VRK2: variants seen among roughly 807,000 people sequenced by gnomAD.
VRK2 encodes serine/threonine-protein kinase VRK2.
Under a neutral mutation model 57.6 loss-of-function variants are expected in VRK2, and 60 were observed. That is an observed-to-expected ratio of 1.04 (90% CI 0.85 to 1.29). The LOEUF (loss-of-function observed/expected upper bound fraction) is 1.29, where lower values mean the gene tolerates loss of function less well. Ranked by LOEUF, VRK2 falls within the 50% of genes most tolerant of loss-of-function variation. VRK2 has a pLI of 0.00. For synonymous variants in VRK2, 231 were observed against 199.2 expected (o/e 1.16, Z -1.35); for missense variants, 705 against 588.1 (o/e 1.20, Z -2.06).
At chr2:57,964,145 C>T (rs958305725) in intron 1 of VRK2, among the ~76,000 whole-genome samples, 1 of 152,106 alleles carries the variant, frequency 6.6e-6, no homozygotes, top group Non-Finnish European at 1.5e-5. Context: ...TTTTGACTCC[C>T]CCAAAACTTA....
chr2:58,117,511 G>T lies in VRK2; in HGVS notation c.544-5590G>T, dbSNP rs374794488. ...AAAAGGAAGATTAGAAAGACTCAGC[G>T]ACGCTTGGGGTTGGGACTGAGGGGA... On this transcript the variant is annotated intron_variant, in intron 7 of 12. Transcript: ENST00000340157. 4.7e-4 allele frequency among the ~76,000 whole-genome samples: 71 copies of T among 151,656 alleles called. No individual in the cohort carries two copies. The South Asian group carries it at 9.2e-3, about 20-fold the overall frequency.
chr2:58,125,317 T>A (rs1404180292), intron 8 of VRK2, among the ~76,000 whole-genome samples: 3 of 152,164 alleles, frequency 2.0e-5, no homozygotes, highest in African/African-American at 4.8e-5. Context: ...ATTAATTTCA[T>A]TGTTTAGGGT....
intron 2 of VRK2, among the ~76,000 whole-genome samples, chr2:58,069,781 A>G (rs541825940): frequency 6.6e-6 from 1 of 152,228 alleles, no homozygotes; most frequent in South Asian, 2.1e-4. Context: ...CCGACTTAGG[A>G]TATTCATTTC....
At chr2:57,912,625 T>C (rs528025283) in intron 1 of VRK2, among the ~76,000 whole-genome samples, 3 of 152,230 alleles carry the variant, frequency 2.0e-5, no homozygotes, top group Admixed American at 2.0e-4. Context: ...AAGAGTTTCT[T>C]ATGGTTTAGT....
At chr2:58,078,160 T>G (rs1375566823) in intron 2 of VRK2, among the ~76,000 whole-genome samples, 1 of 152,136 alleles carries the variant, frequency 6.6e-6, no homozygotes, top group African/African-American at 2.4e-5. Flanking sequence ...TTTTCCTCTT[T>G]TCCCAGCACC....
chr2:57,978,068 T>C (rs1397959516), intron 1 of VRK2, among the ~76,000 whole-genome samples: 1 of 151,356 alleles, frequency 6.6e-6, no homozygotes, highest in Non-Finnish European at 1.5e-5. Context: ...AAATAAAGAC[T>C]ATTTGATCAT....
chr2:57,978,512 A>G (rs902550545), intron 1 of VRK2, among the ~76,000 whole-genome samples: 1 of 151,070 alleles, frequency 6.6e-6, no homozygotes, highest in African/African-American at 2.5e-5. Context: ...AGGCAAGCAG[A>G]ACAATCTTTA....
chr2:58,109,786 C>A (rs1426408631), intron 7 of VRK2, among the ~76,000 whole-genome samples: 1 of 152,158 alleles, frequency 6.6e-6, no homozygotes, highest in Non-Finnish European at 1.5e-5. Context: ...CAAACCATTT[C>A]AGGTTCTACA....
intron 8 of VRK2, among the ~76,000 whole-genome samples, chr2:58,129,736 T>C (rs1347786930): frequency 6.6e-6 from 1 of 152,170 alleles, no homozygotes; most frequent in Middle Eastern, 3.2e-3. Flanking sequence ...TTCAAACTTT[T>C]CAATTTGCTT....
intron 1 of VRK2, among the ~76,000 whole-genome samples, chr2:57,918,911 A>G (rs1670243279): frequency 1.3e-5 from 2 of 152,152 alleles, no homozygotes; most frequent in African/African-American, 4.8e-5. Flanking sequence ...TATGTATCTG[A>G]AGATTTTTAA....
chr2:58,150,562 G>A (rs200435361), intron 12 of VRK2, among the ~76,000 whole-genome samples: 3 of 95,584 alleles, frequency 3.1e-5, no homozygotes, highest in African/African-American at 1.1e-4. Context: ...TTTTTTTTTA[G>A]TTTTTTTTTT....
intron 2 of VRK2, among the ~76,000 whole-genome samples, chr2:58,080,127 G>T (rs1346693479): frequency 6.6e-6 from 1 of 151,868 alleles, no homozygotes; most frequent in Non-Finnish European, 1.5e-5. Context: ...TCTAGCAGAG[G>T]AAGACAAGTA....
chr2:58,090,887 T>C (rs1031894113), intron 7 of VRK2, among the ~76,000 whole-genome samples: 8 of 152,162 alleles, frequency 5.3e-5, no homozygotes, highest in African/African-American at 1.9e-4. Context: ...AGAAATGAAC[T>C]TTTCAGCCAT....
chr2:58,054,476 G>A (rs6740523), intron 2 of VRK2, among the ~76,000 whole-genome samples: 1 of 151,578 alleles, frequency 6.6e-6, no homozygotes, highest in Non-Finnish European at 1.5e-5. Context: ...CACAATAAAA[G>A]AATTCTCAGC....
chr2:57,952,758 A>C (rs1454632272), intron 1 of VRK2, among the ~76,000 whole-genome samples: 2 of 152,038 alleles, frequency 1.3e-5, no homozygotes, highest in Admixed American at 6.6e-5. Flanking sequence ...ATGAAAAAAA[A>C]AAAAAACAGA....
In VRK2 at chr2:58,139,787, C is replaced by T; in HGVS notation, c.978C>T (p.Ser326=). 1 of 1,612,958 alleles carries T rather than the reference C, an allele frequency of 6.2e-7. No homozygotes were observed. The highest frequency in any genetic ancestry group is 8.5e-7 in the Non-Finnish European group (1 of 1,179,308). ...TACCTTTAGGACCACTGGACTTTTC[C>T]ACAAAAGGACAGAGTATAAATGTCC... is the stretch of plus-strand genomic sequence containing the variant. ...HGIPLGPLDF[S]TKGQSINVHT... is the part of the protein sequence containing the mutation. Residue 326 remains serine, a synonymous_variant, in exon 11 of 13, where the codon TCC becomes TCT. Transcript: ENST00000340157.
chr2:58,016,183 A>G (rs1002446785), intron 1 of VRK2, among the ~76,000 whole-genome samples: 2 of 151,224 alleles, frequency 1.3e-5, no homozygotes, highest in African/African-American at 4.9e-5. Flanking sequence ...AATAATATCC[A>G]TCTTACAGTT....
chr2:58,080,171 T>C (rs1380005197), intron 2 of VRK2, among the ~76,000 whole-genome samples: 1 of 151,922 alleles, frequency 6.6e-6, no homozygotes, highest in Non-Finnish European at 1.5e-5. Flanking sequence ...TCTAACTAGT[T>C]TTTATATGAT....
intron 1 of VRK2, among the ~76,000 whole-genome samples, chr2:57,926,749 T>C (rs1670552322): frequency 6.6e-6 from 1 of 151,766 alleles, no homozygotes; most frequent in Non-Finnish European, 1.5e-5. Flanking sequence ...TTTTTCAGTC[T>C]TTATAGATGA....
Sources: gnomAD v4.1 joint callset for allele counts (sites outside exome capture counted in the v4.1 genomes callset) on GRCh38, gnomAD v4.1.1 for gene constraint, MANE v1.5 for transcripts, NCBI Gene and HGNC (gene_info 2026-07-23, HGNC 2026-07-21) for gene names.